SLC31A1: variants seen among roughly 807,000 people sequenced by gnomAD.
SLC31A1 encodes the protein solute carrier family 31 member 1.
SLC31A1 carries 5 observed loss-of-function variants against 17.2 expected under a neutral mutation model. The observed-to-expected ratio is 0.29, with a 90% CI of 0.15 to 0.61. The LOEUF is 0.61. Among genes scored for constraint, SLC31A1 ranks in the 20% least tolerant of loss-of-function variants. SLC31A1 has a pLI of 0.86. For missense variants in SLC31A1, 161 were observed against 241.4 expected (o/e 0.67, Z 2.21); for synonymous variants, 76 against 78.8 (o/e 0.96, Z 0.19).
intron 1 of SLC31A1, chr9:113,223,342 A>T (rs545909338): frequency 1.1e-5 from 4 of 373,662 alleles, no homozygotes; most frequent in Non-Finnish European, 1.0e-5. Context: ...AAAAAAAAAA[A>T]GAAAGCCACT....
At chr9:113,256,629 A>G in intron 2 of SLC31A1, 1 of 264,202 alleles carries the variant, frequency 3.8e-6, no homozygotes, top group Non-Finnish European at 7.4e-6. Context: ...TGGGAGGCCA[A>G]GGCAGGTGGA....
intron 2 of SLC31A1, chr9:113,256,486 C>A: frequency 3.1e-5 from 15 of 481,180 alleles, no homozygotes; most frequent in Non-Finnish European, 4.8e-5. Flanking sequence ...TTTTAGGCTT[C>A]TTTCTTTGGT....
rs753061899 is a variant in SLC31A1 at position 113,256,216 on chromosome 9, A to G, written c.68A>G (p.His23Arg). The stretch of plus-strand genomic sequence containing the variant: ...AACAGTACCATGCAACCTTCTCACC[A>G]TCACCCAACCACTTCAGCCTCACAC... ...DSNSTMQPSH[H>R]HPTTSASHSH... is the part of the protein sequence containing the mutation. The change falls in exon 2 of 5, where the codon CAT becomes CGT. Residue 23 changes from histidine to arginine, a missense_variant. Coordinates refer to ENST00000374212, the MANE Select transcript of SLC31A1 (RefSeq NM_001859.4). The G allele has an allele frequency of 1.2e-6, 2 of 1,613,578 alleles. No homozygotes were observed. Among genetic ancestry groups the G allele is most frequent in the South Asian group, 2.2e-5 (2 of 91,048 alleles).
chr9:113,249,051 C>T (rs1211946399), intron 1 of SLC31A1, among the ~76,000 whole-genome samples: 1 of 152,170 alleles, frequency 6.6e-6, no homozygotes, highest in African/African-American at 2.4e-5. Flanking sequence ...CCAAGTTGTA[C>T]AGGCTGGAAA....
chr9:113,237,088 T>TG (rs1195243479), intron 1 of SLC31A1, among the ~76,000 whole-genome samples: 1 of 152,244 alleles, frequency 6.6e-6, no homozygotes, highest in Non-Finnish European at 1.5e-5. Context: ...GAAAGGCATT[T>TG]GGGGCTTTTA....
intron 1 of SLC31A1, among the ~76,000 whole-genome samples, chr9:113,255,030 G>A (rs1831705513): frequency 1.3e-5 from 2 of 152,328 alleles, no homozygotes; most frequent in Non-Finnish European, 2.9e-5. Context: ...TTAATATAGA[G>A]TATCCAATTT....
In SLC31A1 at chr9:113,258,610, A is replaced by G. The variant is rs1299199299; in HGVS notation, c.203-84A>G. On this transcript the variant is annotated intron_variant, in intron 3 of 4. Transcript: ENST00000374212. The surrounding 1 kb of genome is among the most constrained non-coding windows in gnomAD (Gnocchi z 4.8). ...AAAAGCTGAGAGTAGCATTTTTTCT[A>G]TGTGTCTTTCTAGCTGGACAGCACA... 9.7e-6 allele frequency: 14 copies of G among 1,446,808 alleles called. No homozygotes were observed. The highest frequency in any genetic ancestry group is 2.3e-4 in the Middle Eastern group (1 of 4,266). 89.6% of individuals were successfully genotyped at this position (1,446,808 alleles called of 1,614,324 possible).
chr9:113,228,796 C>T (rs1279494195), intron 1 of SLC31A1, among the ~76,000 whole-genome samples: 2 of 152,132 alleles, frequency 1.3e-5, no homozygotes, highest in African/African-American at 4.8e-5. Context: ...CATTTAATAA[C>T]ATAAGCCTCA....
At chr9:113,229,588 C>G (rs958195594) in intron 1 of SLC31A1, among the ~76,000 whole-genome samples, 54 of 152,148 alleles carry the variant, frequency 3.5e-4, no homozygotes, top group Non-Finnish European at 6.6e-4. Context: ...TTTGCTATTA[C>G]AAACACTCCT....
At chr9:113,246,109 G>A (rs935160892) in intron 1 of SLC31A1, among the ~76,000 whole-genome samples, 3 of 152,016 alleles carry the variant, frequency 2.0e-5, no homozygotes, top group African/African-American at 7.2e-5. Context: ...GGAGTGCAGT[G>A]GTGCAATCAC....
At chr9:113,260,129 A>G in intron 4 of SLC31A1, 143 bp from the exon 5 acceptor site, 1 of 738,394 alleles carries the variant, frequency 1.4e-6, no homozygotes, top group South Asian at 1.4e-5. Flanking sequence ...CCATGGACCA[A>G]TCAAAGAACA....
chr9:113,242,279 G>A (rs1831530319), intron 1 of SLC31A1, among the ~76,000 whole-genome samples: 1 of 152,224 alleles, frequency 6.6e-6, no homozygotes, highest in African/African-American at 2.4e-5. Context: ...AAACAATGTA[G>A]GCAAAGATAC....
At position 113,260,838 on chromosome 9, in the gene SLC31A1, A is replaced by G; in HGVS notation, c.*365A>G. ...TGCTTCCTTTTTGAATTTTTAACAG[A>G]TAGTAAGTAAATTTGGTGGTTTTTT... On this transcript the variant is annotated 3_prime_UTR_variant, in exon 5 of 5. Transcript: ENST00000374212. 1 of 316,560 alleles carries G rather than the reference A, an allele frequency of 3.2e-6. No homozygotes were observed. The highest frequency in any genetic ancestry group is 2.9e-5 in the South Asian group (1 of 34,972). 19.6% of individuals were successfully genotyped at this position (316,560 alleles called of 1,614,324 possible).
At chr9:113,255,453 C>A (rs1046519586) in intron 1 of SLC31A1, among the ~76,000 whole-genome samples, 2 of 152,168 alleles carry the variant, frequency 1.3e-5, no homozygotes, top group African/African-American at 4.8e-5. Context: ...CAGTGGCTTA[C>A]ACCTGTAATC....
intron 1 of SLC31A1, among the ~76,000 whole-genome samples, chr9:113,236,316 C>A (rs1267550795): frequency 6.6e-6 from 1 of 151,422 alleles, no homozygotes; most frequent in African/African-American, 2.4e-5. Context: ...TTCGACAAGT[C>A]AAGTGTGCAT....
At chr9:113,241,628 G>A (rs1831522522) in intron 1 of SLC31A1, among the ~76,000 whole-genome samples, 1 of 152,130 alleles carries the variant, frequency 6.6e-6, no homozygotes, top group African/African-American at 2.4e-5. Context: ...TTCAATTTCA[G>A]GTGATCTACA....
At chr9:113,243,943 C>T (rs1358929538) in intron 1 of SLC31A1, among the ~76,000 whole-genome samples, 1 of 151,986 alleles carries the variant, frequency 6.6e-6, no homozygotes. Flanking sequence ...CACCTGAGGT[C>T]AGGAGTTTGA....
At chr9:113,249,768 A>G (rs1285332478) in intron 1 of SLC31A1, among the ~76,000 whole-genome samples, 1 of 152,116 alleles carries the variant, frequency 6.6e-6, no homozygotes, top group African/African-American at 2.4e-5. Context: ...AATTTTCGCA[A>G]CCTACTCATC....
intron 2 of SLC31A1, among the ~76,000 whole-genome samples, chr9:113,256,860 CAAAAAAA>C (rs10705989): frequency 3.9e-5 from 4 of 102,522 alleles, no homozygotes; most frequent in Admixed American, 2.3e-4. Context: ...GAATCCGTAT[CAAAAAAA>C]AAAAAAAAAA....
Sources: allele counts gnomAD v4.1 joint callset (sites outside exome capture counted in the v4.1 genomes callset), GRCh38; gene constraint gnomAD v4.1.1; non-coding constraint Gnocchi (gnomAD v3.1); transcripts MANE v1.5; gene names NCBI Gene and HGNC (gene_info 2026-07-23, HGNC 2026-07-21).